The following CFAP46 variants were observed in gnomAD, a reference collection of about 807,000 sequenced individuals.
CFAP46 encodes the protein cilia- and flagella-associated protein 46.
In CFAP46, 245 loss-of-function variants were observed where a neutral mutation model predicts 325.7. That is an observed-to-expected ratio of 0.75 (90% CI 0.68 to 0.84). CFAP46 has a LOEUF of 0.84. Ranked by LOEUF, CFAP46 falls within the 40% of genes least tolerant of loss-of-function variation. The pLI, the probability that CFAP46 is intolerant of heterozygous loss-of-function variation, is 0.00. For synonymous variants in CFAP46, 1,523 were observed against 1,495.9 expected (o/e 1.02, Z -0.42); for missense variants, 3,346 against 3,543.0 (o/e 0.94, Z 1.41).
chr10:132,851,010 C>G, intron 40 of CFAP46, 107 bp downstream of exon 40: 2 of 1,370,958 alleles, frequency 1.5e-6, no homozygotes, highest in South Asian at 2.4e-5. Flanking sequence ...TGACCCGCAC[C>G]GCCAGGTGCA....
chr10:132,851,643 T>G (rs866253340), intron 39 of CFAP46, among the ~76,000 whole-genome samples: 1 of 152,250 alleles, frequency 6.6e-6, no homozygotes, highest in Non-Finnish European at 1.5e-5. Flanking sequence ...TGGTTCATTT[T>G]CCTCGGTAAA....
chr10:132,812,977 C>T (rs1460346432), intron 54 of CFAP46, 80 bp from the exon 55 acceptor site: 8 of 1,101,130 alleles, frequency 7.3e-6, no homozygotes, highest in Non-Finnish European at 1.1e-5. Context: ...AAGCAGGCCA[C>T]ATCCTGCGTG....
At position 132,876,540 on chromosome 10, in the gene CFAP46, T is replaced by A. The variant is rs188947351; in HGVS notation, c.4362+272A>T. On this transcript the variant is annotated intron_variant, in intron 31 of 57. Transcript: ENST00000368586. The surrounding 1 kb of genome is among the most constrained non-coding windows in gnomAD (Gnocchi z 4.1). ...GGATCAATTTCTGTTGTTTTAACCA[T>A]GCGGTTGTGGGAGCTTGTCATGAAC... Among the ~76,000 whole-genome samples, 2 of 152,160 alleles carry A rather than the reference T, an allele frequency of 1.3e-5. No homozygotes were observed. Among genetic ancestry groups the A allele is most frequent in the Non-Finnish European group, 2.9e-5 (2 of 68,030 alleles).
intron 21 of CFAP46, 85 bp downstream of exon 21, chr10:132,909,052 G>A: frequency 1.0e-6 from 1 of 963,302 alleles, no homozygotes. Context: ...GCACGATGGG[G>A]CTCGAGTTCC....
chr10:132,845,319 T>C (rs1325463462), intron 44 of CFAP46, among the ~76,000 whole-genome samples: 3 of 152,218 alleles, frequency 2.0e-5, no homozygotes, highest in Non-Finnish European at 4.4e-5. Context: ...GCCGGGGCCA[T>C]GTTGCGCCCA....
At chr10:132,821,740 T>A (rs1190792761) in intron 50 of CFAP46, among the ~76,000 whole-genome samples, 2 of 126,110 alleles carry the variant, frequency 1.6e-5, no homozygotes, top group African/African-American at 2.9e-5. Flanking sequence ...GTGCTGTGTG[T>A]GCGCTGATGT....
Position 132,909,956 on chromosome 10 carries a change from T to A in CFAP46, c.2612A>T (p.Gln871Leu), listed in dbSNP as rs1335376334. Residue 871 changes from glutamine to leucine, a missense_variant, in exon 20 of 58, where the codon CAG (glutamine) becomes CTG (leucine). By Grantham distance (113) the Gln-to-Leu change is moderately radical (BLOSUM62 -2). Coordinates refer to ENST00000368586, the MANE Select transcript of CFAP46 (RefSeq NM_001200049.3). Reference protein sequence around the residue: ...ATWVKAKQLLQQQIGPRLGTE... With the variant: ...ATWVKAKQLLLQQIGPRLGTE... ...GCCCAGCCGTGGCCCAATCTGCTGCTGCAGCAGCTGCTTGGCCTTGACCCA... is the reference window on the plus strand; with the variant it reads ...GCCCAGCCGTGGCCCAATCTGCTGCAGCAGCAGCTGCTTGGCCTTGACCCA... 12 of 1,529,790 alleles carry A rather than the reference T, an allele frequency of 7.8e-6. No individual in the cohort carries two copies. The highest frequency in any genetic ancestry group is 1.1e-5 in the Non-Finnish European group (12 of 1,139,154). 94.8% of individuals were successfully genotyped at this position (1,529,790 alleles called of 1,614,324 possible).
At chr10:132,918,716 G>C (rs11146034) in intron 15 of CFAP46, among the ~76,000 whole-genome samples, 196 bp from the exon 16 acceptor site, 7,533 of 152,258 alleles carry the variant, frequency 0.049, 278 homozygotes, top group African/African-American at 0.097. Context: ...GATGGCGGAG[G>C]TGGGTGGAGT....
At chr10:132,922,396 C>T (rs187540948) in intron 12 of CFAP46, 84 bp downstream of exon 12, 5 of 1,458,192 alleles carry the variant, frequency 3.4e-6, no homozygotes, top group East Asian at 2.5e-5. Flanking sequence ...GGGCGGCTCC[C>T]GCCCTGCTGT....
chr10:132,848,478 C>T (rs986311150), intron 41 of CFAP46, among the ~76,000 whole-genome samples: 2 of 151,838 alleles, frequency 1.3e-5, no homozygotes, highest in Admixed American at 6.6e-5. Context: ...AGGTCATCAG[C>T]CGGCTGCCAG....
At chr10:132,862,652 C>T (rs1848739449) in intron 35 of CFAP46, among the ~76,000 whole-genome samples, 1 of 151,814 alleles carries the variant, frequency 6.6e-6, no homozygotes, top group South Asian at 2.1e-4. Flanking sequence ...GGAGGTCAGA[C>T]CCCCGAGAGA....
In CFAP46 at chr10:132,901,051, G is replaced by A. The variant is rs574557014; in HGVS notation, c.2925-1385C>T. The stretch of plus-strand genomic sequence containing the variant: ...ACCGGACACCAGCTTTCTTGTGGTT[G>A]GCACTTGCAGAGTGCCTCTCTCCCA... On this transcript the variant is annotated intron_variant, in intron 22 of 57. Transcript: ENST00000368586. Among the ~76,000 whole-genome samples, 4 of 152,296 alleles carry A rather than the reference G, an allele frequency of 2.6e-5. No individual in the cohort carries two copies. The South Asian group carries it at 8.3e-4, about 32-fold the overall frequency.
chr10:132,844,372 A>C (rs968333287), intron 44 of CFAP46, among the ~76,000 whole-genome samples: 1 of 152,112 alleles, frequency 6.6e-6, no homozygotes, highest in Admixed American at 6.5e-5. Flanking sequence ...GGGTTGACTC[A>C]ATGCTCTCAG....
intron 7 of CFAP46, among the ~76,000 whole-genome samples, chr10:132,935,795 A>G (rs1369325081): frequency 5.2e-5 from 4 of 77,646 alleles, no homozygotes; most frequent in Admixed American, 1.3e-4. Context: ...CACTCCCCTC[A>G]CATCCAAACA....
At chr10:132,907,860 G>A (rs1448737503) in intron 22 of CFAP46, among the ~76,000 whole-genome samples, 1 of 152,190 alleles carries the variant, frequency 6.6e-6, no homozygotes, top group East Asian at 1.9e-4. Flanking sequence ...GACACAGCGG[G>A]AGGCGCCGTC....
intron 50 of CFAP46, among the ~76,000 whole-genome samples, chr10:132,816,387 A>G (rs904546936): frequency 2.9e-5 from 4 of 137,624 alleles, no homozygotes; most frequent in East Asian, 2.1e-4. Flanking sequence ...GCTGGAGTGC[A>G]GTGGCGCGAT....
At chr10:132,813,141 C>A (rs555144281) in intron 54 of CFAP46, among the ~76,000 whole-genome samples, 60 of 152,258 alleles carry the variant, frequency 3.9e-4, no homozygotes, top group African/African-American at 1.3e-3. Flanking sequence ...GGAATGAACA[C>A]CCCTACTCGG....
intron 6 of CFAP46, chr10:132,937,307 T>C: frequency 1.8e-6 from 1 of 557,550 alleles, no homozygotes; most frequent in Non-Finnish European, 3.1e-6. Flanking sequence ...ACAAAGGAAA[T>C]ATTTAAAGAG....
chr10:132,906,899 C>T (rs547126092), intron 22 of CFAP46, among the ~76,000 whole-genome samples: 11 of 152,178 alleles, frequency 7.2e-5, no homozygotes, highest in Non-Finnish European at 1.2e-4. Context: ...CGTGATGCCC[C>T]GTGCTGGGCA....
Sources: allele counts gnomAD v4.1 joint callset (sites outside exome capture counted in the v4.1 genomes callset), GRCh38; gene constraint gnomAD v4.1.1; non-coding constraint Gnocchi (gnomAD v3.1); transcripts MANE v1.5; gene names NCBI Gene and HGNC (gene_info 2026-07-23, HGNC 2026-07-21).